Variants in CAPN9 observed in about 807,000 individuals in gnomAD.
CAPN9 encodes calpain-9.
CAPN9 carries 81 observed loss-of-function variants against 92.8 expected under a neutral mutation model. That is an observed-to-expected ratio of 0.87 (90% CI 0.73 to 1.05). The LOEUF is 1.05. Among genes scored for constraint, CAPN9 ranks in the 50% least tolerant of loss-of-function variants. The pLI is 0.00. For synonymous variants in CAPN9, 304 were observed against 328.0 expected, an observed-to-expected ratio of 0.93 and a Z score of 0.79; for missense variants, 848 against 866.2, an observed-to-expected ratio of 0.98 and a Z score of 0.26.
chr1:230,774,739 C>CTTTTTTTTTTT, intron 8 of CAPN9, 108 bp downstream of exon 8: 1 of 385,290 alleles, frequency 2.6e-6, no homozygotes, highest in Non-Finnish European at 4.6e-6. Context: ...TTCTTTCTTT[C>CTTTTTTTTTTT]TTTTTTTTTT....
intron 1 of CAPN9, among the ~76,000 whole-genome samples, chr1:230,751,426 GA>G (rs941651274): frequency 6.7e-5 from 10 of 149,306 alleles, no homozygotes; most frequent in African/African-American, 2.5e-4. Flanking sequence ...AAGAGAGAAA[GA>G]AAGAGAAAAA....
rs1667007266 is a variant in CAPN9, at chr1:230,778,837, A to G, written c.954-136A>G. 5 of 748,762 alleles carry G rather than the reference A, an allele frequency of 6.7e-6. No individual in the cohort carries two copies. In the East Asian group the frequency reaches 8.6e-5, roughly 13 times the overall value. 46.4% of individuals were successfully genotyped at this position (748,762 alleles called of 1,614,324 possible). On this transcript the variant is annotated intron_variant, in intron 8 of 19. Transcript: ENST00000271971. ...TTTAAAAAATTTTCCATCTCCCCAC[A>G]CTTTGCAGTCCCCCCACTCCTTGCG...
At position 230,762,712 on chromosome 1, in the gene CAPN9, G is replaced by A; in HGVS notation, c.462G>A (p.Arg154=). 1 of 1,614,130 alleles carries A rather than the reference G, an allele frequency of 6.2e-7. No homozygotes were observed. The highest frequency in any genetic ancestry group is 8.5e-7 in the Non-Finnish European group (1 of 1,180,000). Residue 154 remains arginine, a synonymous_variant, in exon 4 of 20, where the codon AGG becomes AGA. Transcript: ENST00000271971. ...VVIDDRLPTF[R]DRLVFLHSAD... is the part of the protein sequence containing the mutation. ...TCGATGACCGCCTGCCCACCTTCAG[G>A]GACCGCTTGGTTTTCCTCCACTCTG...
At chr1:230,783,342 A>G (rs758205287) in intron 11 of CAPN9, among the ~76,000 whole-genome samples, 7 of 152,232 alleles carry the variant, frequency 4.6e-5, no homozygotes, top group Non-Finnish European at 8.8e-5. Flanking sequence ...TAGTTTGAAT[A>G]TGTGTCCCCA....
At chr1:230,758,232 C>A (rs779734657) in intron 2 of CAPN9, among the ~76,000 whole-genome samples, 1 of 152,228 alleles carries the variant, frequency 6.6e-6, no homozygotes, top group Admixed American at 6.5e-5. Flanking sequence ...GAAAGGTCAG[C>A]CCACAGCAGA....
chr1:230,748,219 C>T (rs1461662681), intron 1 of CAPN9, among the ~76,000 whole-genome samples: 15 of 152,216 alleles, frequency 9.9e-5, no homozygotes, highest in Admixed American at 9.8e-4. Context: ...ATGCACCCCC[C>T]ATTCCCAGAG....
Position 230,798,210 on chromosome 1 carries a change from A to G in CAPN9, c.2036A>G (p.Asn679Ser), listed in dbSNP as rs1668471789. Residue 679 changes from asparagine to serine, a missense_variant, in exon 19 of 20, where the codon AAT (asparagine) becomes AGT (serine). Transcript: ENST00000271971. ...AAGAACAAGGAGTTCATTCATCTCAATATAAATGAGGTATGGCCAATCCAG... is the reference window on the plus strand; with the variant it reads ...AAGAACAAGGAGTTCATTCATCTCAGTATAAATGAGGTATGGCCAATCCAG... ...STKNKEFIHL[N>S]INEFIHLTMN... 1 of 1,611,524 alleles carries G rather than the reference A, an allele frequency of 6.2e-7. No homozygotes were observed. The highest frequency in any genetic ancestry group is 8.5e-7 in the Non-Finnish European group (1 of 1,177,794).
intron 13 of CAPN9, among the ~76,000 whole-genome samples, chr1:230,789,500 A>AAAAAG (rs200162449): frequency 3.0e-4 from 41 of 138,222 alleles, no homozygotes; most frequent in African/African-American, 1.1e-3. Flanking sequence ...AAAAAAAAAA[A>AAAAAG]GCCTGAGTCT....
intron 15 of CAPN9, among the ~76,000 whole-genome samples, 180 bp from the exon 16 acceptor site, chr1:230,792,245 CT>C (rs1264169506): frequency 6.6e-6 from 1 of 152,176 alleles, no homozygotes; most frequent in Non-Finnish European, 1.5e-5. Flanking sequence ...CATTCCACTT[CT>C]GCCGTTTCCC....
At chr1:230,778,619 G>A (rs1224594816) in intron 8 of CAPN9, among the ~76,000 whole-genome samples, 3 of 152,028 alleles carry the variant, frequency 2.0e-5, no homozygotes, top group Admixed American at 1.3e-4. Flanking sequence ...CCCTGCCCAG[G>A]ACCTGGTAGT....
At chr1:230,761,033 G>T (rs1431508413) in intron 3 of CAPN9, among the ~76,000 whole-genome samples, 3 of 152,178 alleles carry the variant, frequency 2.0e-5, no homozygotes. Flanking sequence ...GTCCCAGGGA[G>T]TGGAAGTGGT....
At chr1:230,758,110 C>T (rs934855405) in intron 2 of CAPN9, among the ~76,000 whole-genome samples, 5 of 152,152 alleles carry the variant, frequency 3.3e-5, no homozygotes, top group African/African-American at 1.2e-4. Flanking sequence ...TCAATCTCCC[C>T]GCCAAAAGCT....
At chr1:230,765,256 C>T (rs1410426054) in intron 4 of CAPN9, among the ~76,000 whole-genome samples, 1 of 139,100 alleles carries the variant, frequency 7.2e-6, no homozygotes. Context: ...CACACACACA[C>T]ACAAATGAGG....
intron 15 of CAPN9, 105 bp downstream of exon 15, chr1:230,792,033 G>A: frequency 1.2e-6 from 1 of 859,874 alleles, no homozygotes; most frequent in Non-Finnish European, 1.9e-6. Context: ...GACATCCTTA[G>A]CCAGCAGAAT....
At chr1:230,792,743 C>A in intron 16 of CAPN9, 107 bp from the exon 17 acceptor site, 1 of 938,454 alleles carries the variant, frequency 1.1e-6, no homozygotes, top group Non-Finnish European at 1.7e-6. Context: ...GTGGCCTCTG[C>A]GGCCCCTAGA....
chr1:230,796,030 A>T lies in CAPN9; in HGVS notation c.1987+751A>T, dbSNP rs994295684. ...CACTTCGAGGTATGAATACTTGATT[A>T]AAAAAAAAAAAAAGGCAGGGGGCTG... On this transcript the variant is annotated intron_variant, in intron 18 of 19. Coordinates refer to ENST00000271971, the MANE Select transcript of CAPN9 (RefSeq NM_006615.3). 8.6e-5 allele frequency among the ~76,000 whole-genome samples: 6 copies of T among 70,102 alleles called. No individual in the cohort carries two copies. In the South Asian group the frequency reaches 2.0e-3, roughly 23 times the overall value. 46.0% of individuals were successfully genotyped at this position (70,102 alleles called of 152,430 possible).
At chr1:230,771,966 T>G (rs1460674416) in intron 6 of CAPN9, 48 bp from the exon 7 acceptor site, 2 of 1,512,014 alleles carry the variant, frequency 1.3e-6, no homozygotes, top group Non-Finnish European at 1.8e-6. Flanking sequence ...TGGCCAAACC[T>G]CCACCATATT....
chr1:230,781,427 A>T (rs1667219536), intron 11 of CAPN9, among the ~76,000 whole-genome samples: 1 of 152,224 alleles, frequency 6.6e-6, no homozygotes, highest in Non-Finnish European at 1.5e-5. Flanking sequence ...TTCAAGAATG[A>T]CATGTTCTTT....
rs148483786 is a variant in CAPN9 at position 230,757,130 on chromosome 1, G to T, written c.283+1724G>T. On this transcript the variant is annotated intron_variant, in intron 2 of 19. Transcript: ENST00000271971. The stretch of plus-strand genomic sequence containing the variant: ...TATACAGAGGGCTGACTTGGTATAG[G>T]CAGATTCCACAGGGCTTACTGTGGG... Among the ~76,000 whole-genome samples, 383 of 152,148 alleles carry T rather than the reference G, an allele frequency of 2.5e-3. 3 individuals carry two copies. Among genetic ancestry groups the T allele is most frequent in the African/African-American group, 8.7e-3 (360 of 41,498 alleles).
Sources: allele counts gnomAD v4.1 joint callset (sites outside exome capture counted in the v4.1 genomes callset), GRCh38; gene constraint gnomAD v4.1.1; transcripts MANE v1.5; gene names NCBI Gene and HGNC (gene_info 2026-07-23, HGNC 2026-07-21).